Variants in PPM1A observed in about 807,000 individuals in gnomAD.
PPM1A encodes the protein protein phosphatase, Mg2+/Mn2+ dependent 1A.
Under a neutral mutation model 35.0 loss-of-function variants are expected in PPM1A, and 7 were observed. That is an observed-to-expected ratio of 0.20 (90% CI 0.11 to 0.38). PPM1A has a LOEUF of 0.38. Ranked by LOEUF, PPM1A falls within the 10% of genes least tolerant of loss-of-function variation. The probability of loss-of-function intolerance (pLI) is 1.00; values close to 1 mark genes in which losing one functional copy is unlikely to be tolerated. For synonymous variants in PPM1A, 153 were observed against 167.3 expected, an observed-to-expected ratio of 0.91 and a Z score of 0.66; for missense variants, 239 against 467.8, an observed-to-expected ratio of 0.51 and a Z score of 4.51.
chr14:60,286,724 C>T, intron 3 of PPM1A: 1 of 984,000 alleles, frequency 1.0e-6, no homozygotes, highest in Non-Finnish European at 1.2e-6. Flanking sequence ...CATAATCAGT[C>T]TGATACTAGA....
Position 60,294,677 on chromosome 14 carries a change from GA to G in PPM1A, c.*2198del, listed in dbSNP as rs1206432307. ...TAAGTCACAAGTAGAGTATGTGATG[GA>G]AAGCTGTATTTCAAACCATAACAGC... On this transcript the variant is annotated 3_prime_UTR_variant, in exon 6 of 6. Coordinates refer to ENST00000395076, the MANE Select transcript of PPM1A (RefSeq NM_021003.5). The G allele has an allele frequency of 6.6e-6, 1 of 151,404 alleles. No individual in the cohort carries two copies. Among genetic ancestry groups the G allele is most frequent in the Non-Finnish European group, 1.5e-5 (1 of 67,716 alleles). The allele number at this position is 151,404 out of a possible 1,614,324, so 9.4% of individuals were successfully genotyped here.
chr14:60,272,994 T>C (rs942815509), intron 1 of PPM1A, among the ~76,000 whole-genome samples: 2 of 152,162 alleles, frequency 1.3e-5, no homozygotes, highest in Admixed American at 1.3e-4. Flanking sequence ...AGTGGGTTTT[T>C]AGCAATTAAT....
Position 60,289,769 on chromosome 14 carries a change from G to T in PPM1A, c.953-37G>T. On this transcript the variant is annotated intron_variant, in intron 3 of 5. Coordinates refer to ENST00000395076, the MANE Select transcript of PPM1A (RefSeq NM_021003.5). This position sits in a 1 kb window ranked among gnomAD's most constrained non-coding sequence, Gnocchi z 4.1. Reference sequence around the variant, plus strand: ...TTCGGTTTTCTTTTCAATTAAATTTGGATAACACTTACAAAAAAAGTACTT... The same window carrying T: ...TTCGGTTTTCTTTTCAATTAAATTTTGATAACACTTACAAAAAAAGTACTT... 3 of 1,353,630 alleles carry T rather than the reference G, an allele frequency of 2.2e-6. No individual in the cohort carries two copies. Among genetic ancestry groups the T allele is most frequent in the Non-Finnish European group, 3.1e-6 (3 of 955,382 alleles). The allele number at this position is 1,353,630 out of a possible 1,614,324, so 83.9% of individuals were successfully genotyped here.
chr14:60,276,996 T>C, intron 1 of PPM1A: 1 of 1,107,386 alleles, frequency 9.0e-7, no homozygotes, highest in Non-Finnish European at 1.1e-6. Context: ...GTCTTGTTTT[T>C]TGTCATAGTA....
chr14:60,280,009 C>CT (rs201806579), intron 1 of PPM1A, among the ~76,000 whole-genome samples: 20 of 150,004 alleles, frequency 1.3e-4, no homozygotes, highest in Non-Finnish European at 1.5e-4. Flanking sequence ...TTCTTATATA[C>CT]TTTTTTTTTT....
intron 1 of PPM1A, among the ~76,000 whole-genome samples, chr14:60,279,254 G>A (rs1291225954): frequency 2.6e-5 from 4 of 152,090 alleles, no homozygotes; most frequent in Admixed American, 1.3e-4. Context: ...GAGTAGTTGG[G>A]ATTACAGGCG....
intron 3 of PPM1A, chr14:60,286,399 A>G (rs1462184756): frequency 2.0e-6 from 2 of 985,504 alleles, no homozygotes; most frequent in Admixed American, 6.1e-5. Context: ...AATTCTGCAG[A>G]GACTTCCAGT....
At chr14:60,252,728 T>A (rs997166388) in intron 1 of PPM1A, among the ~76,000 whole-genome samples, 7 of 152,202 alleles carry the variant, frequency 4.6e-5, no homozygotes, top group African/African-American at 1.2e-4. Context: ...AAACTTGGGT[T>A]AACCTATATC....
intron 5 of PPM1A, among the ~76,000 whole-genome samples, chr14:60,291,768 T>TC (rs1555345486): frequency 2.7e-5 from 4 of 150,902 alleles, no homozygotes; most frequent in African/African-American, 4.9e-5. Context: ...TTTTTTTTTT[T>TC]CCCGAAGTTG....
At chr14:60,256,211 G>A (rs1194727891) in intron 1 of PPM1A, among the ~76,000 whole-genome samples, 1 of 152,132 alleles carries the variant, frequency 6.6e-6, no homozygotes, top group Non-Finnish European at 1.5e-5. Flanking sequence ...ACAAGGTCAG[G>A]AGATGGAGAC....
rs190120916 is a variant in PPM1A, at chr14:60,293,910, T to C, written c.*1428T>C. The C allele has an allele frequency of 4.6e-5, 7 of 152,128 alleles. No homozygotes were observed. The highest frequency in any genetic ancestry group is 1.7e-4 in the African/African-American group (7 of 41,556). The allele number at this position is 152,128 out of a possible 1,614,324, so 9.4% of individuals were successfully genotyped here. On this transcript the variant is annotated 3_prime_UTR_variant, in exon 6 of 6. Coordinates refer to ENST00000395076, the MANE Select transcript of PPM1A (RefSeq NM_021003.5). The surrounding 1 kb of genome is among the most constrained non-coding windows in gnomAD (Gnocchi z 4.0). ...GCATGTGAAAGTAAGTTTTAAAATC[T>C]GTCGCATTGAAAAGATTACTGTTCC... is the stretch of plus-strand genomic sequence containing the variant.
At chr14:60,280,749 A>G (rs1033878503) in intron 1 of PPM1A, among the ~76,000 whole-genome samples, 4 of 152,216 alleles carry the variant, frequency 2.6e-5, no homozygotes, top group African/African-American at 9.6e-5. Context: ...GCAGTTTGCA[A>G]CCTTACTGTG....
chr14:60,287,943 T>G (rs1887207216), intron 3 of PPM1A: 1 of 985,114 alleles, frequency 1.0e-6, no homozygotes, highest in African/African-American at 1.7e-5. Context: ...TTTGTGTATA[T>G]GTATGTGAAA....
chr14:60,249,243 G>A lies in PPM1A; in HGVS notation c.-455G>A. 2 of 988,066 alleles carry A rather than the reference G, an allele frequency of 2.0e-6. No individual in the cohort carries two copies. The highest frequency in any genetic ancestry group is 2.4e-6 in the Non-Finnish European group (2 of 832,136). 61.2% of individuals were successfully genotyped at this position (988,066 alleles called of 1,614,324 possible). ...GCTAGAGGCGGCGGCGGCGGCGGTG[G>A]CGGCGCTAGGGACGGGAGCGCGCGC... On this transcript the variant is annotated 5_prime_UTR_variant, in exon 1 of 6. Coordinates refer to ENST00000395076, the MANE Select transcript of PPM1A (RefSeq NM_021003.5). The surrounding 1 kb of genome is among the most constrained non-coding windows in gnomAD (Gnocchi z 4.5).
In PPM1A at chr14:60,289,723, A is replaced by T; in HGVS notation, c.953-83A>T. The T allele has an allele frequency of 1.1e-6, 1 of 880,432 alleles. No individual in the cohort carries two copies. Among genetic ancestry groups the T allele is most frequent in the Non-Finnish European group, 1.8e-6 (1 of 555,124 alleles). 54.5% of individuals were successfully genotyped at this position (880,432 alleles called of 1,614,324 possible). On this transcript the variant is annotated intron_variant, in intron 3 of 5. Coordinates refer to ENST00000395076, the MANE Select transcript of PPM1A (RefSeq NM_021003.5). This position sits in a 1 kb window ranked among gnomAD's most constrained non-coding sequence, Gnocchi z 4.1. ...CTCAGATGTGGTAAATGCCATCTTT[A>T]AAAAGCTAGGTTATCTTTGTTTCGG...
intron 1 of PPM1A, chr14:60,267,238 CT>C (rs1317758321): frequency 6.6e-6 from 1 of 151,968 alleles, no homozygotes; most frequent in African/African-American, 2.4e-5. Context: ...TGTCCTTGTT[CT>C]TTTTTCTTTC....
intron 3 of PPM1A, chr14:60,286,641 C>G (rs763626647): frequency 1.2e-5 from 12 of 985,106 alleles, no homozygotes; most frequent in Non-Finnish European, 1.3e-5. Context: ...ACACCTACAT[C>G]CCACTGTGCC....
chr14:60,258,155 T>C (rs990930926), intron 1 of PPM1A, among the ~76,000 whole-genome samples: 8 of 152,102 alleles, frequency 5.3e-5, no homozygotes, highest in Non-Finnish European at 1.0e-4. Context: ...TGTGATCTTT[T>C]CTGGTTTGCT....
intron 1 of PPM1A, among the ~76,000 whole-genome samples, chr14:60,266,543 A>T (rs1224127483): frequency 6.6e-6 from 1 of 152,126 alleles, no homozygotes; most frequent in Admixed American, 6.5e-5. Context: ...TTAAGGTGTG[A>T]TGTTGAAGGG....
Sources: gnomAD v4.1 joint callset for allele counts (sites outside exome capture counted in the v4.1 genomes callset) on GRCh38, gnomAD v4.1.1 for gene constraint, Gnocchi (gnomAD v3.1) non-coding constraint, MANE v1.5 for transcripts, NCBI Gene and HGNC (gene_info 2026-07-23, HGNC 2026-07-21) for gene names.